IQGAP2: variants seen among roughly 807,000 people sequenced by gnomAD.
The protein encoded by IQGAP2 is IQ motif containing GTPase activating protein 2.
In IQGAP2, 173 loss-of-function variants were observed where a neutral mutation model predicts 201.3. That is an observed-to-expected ratio of 0.86 (90% CI 0.76 to 0.98). The LOEUF is 0.98. IQGAP2 is among the 50% of genes least tolerant of loss of function. The probability of loss-of-function intolerance (pLI) is 0.00; values close to 1 mark genes in which losing one functional copy is unlikely to be tolerated. For missense variants in IQGAP2, 1,687 were observed against 1,864.8 expected, an observed-to-expected ratio of 0.90 and a Z score of 1.76; for synonymous variants, 675 against 673.9, an observed-to-expected ratio of 1.00 and a Z score of -0.03.
intron 3 of IQGAP2, 66 bp downstream of exon 3, chr5:76,562,618 C>T (rs1744462516): frequency 1.4e-6 from 2 of 1,396,740 alleles, no homozygotes; most frequent in Non-Finnish European, 2.0e-6. Context: ...CATATCCTCT[C>T]CCTTCTTTTA....
At position 76,691,805 on chromosome 5, in the gene IQGAP2, G is replaced by C. The variant is rs547780819; in HGVS notation, c.3906-1550G>C. 2.6e-5 allele frequency: 4 copies of C among 152,344 alleles called. No homozygotes were observed. The South Asian group carries it at 8.3e-4, about 32-fold the overall frequency. The allele number at this position is 152,344 out of a possible 1,614,324, so 9.4% of individuals were successfully genotyped here. ...GGAAATGAGAAAAATGATGTTTACAGATGGCTTATTGGATTTTATCCTATT... is the reference window on the plus strand; with the variant it reads ...GGAAATGAGAAAAATGATGTTTACACATGGCTTATTGGATTTTATCCTATT... On this transcript the variant is annotated intron_variant, in intron 30 of 35. Transcript: ENST00000274364.
At chr5:76,469,611 C>T (rs1438826218) in intron 2 of IQGAP2, among the ~76,000 whole-genome samples, 1 of 152,112 alleles carries the variant, frequency 6.6e-6, no homozygotes, top group Non-Finnish European at 1.5e-5. Flanking sequence ...ACCATGTTGG[C>T]CAGGCTGGTC....
At chr5:76,455,719 A>C (rs570580702) in intron 1 of IQGAP2, among the ~76,000 whole-genome samples, 1 of 152,308 alleles carries the variant, frequency 6.6e-6, no homozygotes, top group Admixed American at 6.5e-5. Flanking sequence ...ACCTCACTGC[A>C]ACAAAGAGGG....
chr5:76,622,922 C>T (rs546980231), intron 13 of IQGAP2, among the ~76,000 whole-genome samples: 1 of 152,322 alleles, frequency 6.6e-6, no homozygotes, highest in Non-Finnish European at 1.5e-5. Context: ...TCGTAGACAT[C>T]TAAAATCTTG....
rs756159671 is a variant in IQGAP2 at position 76,568,744 on chromosome 5, T to A, written c.304-1836T>A. 2.6e-3 allele frequency among the ~76,000 whole-genome samples: 394 copies of A among 152,324 alleles called. 3 individuals are homozygous for A. The highest frequency in any genetic ancestry group is 3.3e-3 in the Non-Finnish European group (225 of 68,024). On this transcript the variant is annotated intron_variant, in intron 3 of 35. Coordinates refer to ENST00000274364, the MANE Select transcript of IQGAP2 (RefSeq NM_006633.5). Reference sequence around the variant, plus strand: ...GCAAGAACCCATTTTCTTTTGGGTGTCATCAGAAAGTGGGATCAATTTGGT... The same window carrying A: ...GCAAGAACCCATTTTCTTTTGGGTGACATCAGAAAGTGGGATCAATTTGGT...
chr5:76,531,127 A>G lies in IQGAP2; in HGVS notation c.147-31269A>G, dbSNP rs913066970. Among the ~76,000 whole-genome samples, 3 of 152,340 alleles carry G rather than the reference A, an allele frequency of 2.0e-5. No individual in the cohort carries two copies. In the East Asian group the frequency reaches 5.8e-4, roughly 29 times the overall value. Reference sequence around the variant, plus strand: ...GCTGGGAGTTTCAAATCAAAGTACCAGGAGGTTAGGGCCCAGTCTCTCTGC... The same window carrying G: ...GCTGGGAGTTTCAAATCAAAGTACCGGGAGGTTAGGGCCCAGTCTCTCTGC... On this transcript the variant is annotated intron_variant, in intron 2 of 35. Transcript: ENST00000274364.
At chr5:76,441,426 T>G (rs1322707258) in intron 1 of IQGAP2, 28 of 863,964 alleles carry the variant, frequency 3.2e-5, no homozygotes, top group Non-Finnish European at 3.9e-5. Flanking sequence ...GTACCTACTT[T>G]TGAAGAGGTT....
intron 2 of IQGAP2, among the ~76,000 whole-genome samples, chr5:76,485,908 A>AT (rs1393787671): frequency 2.0e-5 from 3 of 152,096 alleles, no homozygotes; most frequent in Middle Eastern, 3.4e-3. Context: ...TCTTAATTTT[A>AT]TTTTTTTCCA....
chr5:76,673,872 G>T, intron 25 of IQGAP2, 80 bp from the exon 26 acceptor site: 1 of 874,840 alleles, frequency 1.1e-6, no homozygotes, highest in South Asian at 1.4e-5. Context: ...AGCTGAAGTT[G>T]ACTGGAACAA....
intron 1 of IQGAP2, among the ~76,000 whole-genome samples, chr5:76,444,542 G>A (rs1303469931): frequency 6.6e-6 from 1 of 152,100 alleles, no homozygotes; most frequent in Non-Finnish European, 1.5e-5. Context: ...TAGGTGATCC[G>A]CCCACCTTGG....
intron 11 of IQGAP2, among the ~76,000 whole-genome samples, chr5:76,602,928 G>A (rs1035498213): frequency 2.0e-5 from 3 of 152,188 alleles, no homozygotes; most frequent in African/African-American, 7.2e-5. Flanking sequence ...TGCCCAGAGA[G>A]ATTCTTTTGT....
At chr5:76,437,978 A>G (rs895314097) in intron 1 of IQGAP2, among the ~76,000 whole-genome samples, 4 of 125,952 alleles carry the variant, frequency 3.2e-5, no homozygotes, top group South Asian at 2.5e-4. Context: ...AGATTTTTGC[A>G]TCTATATTCA....
chr5:76,467,184 G>A (rs148647186), intron 2 of IQGAP2, among the ~76,000 whole-genome samples: 42 of 152,264 alleles, frequency 2.8e-4, no homozygotes, highest in African/African-American at 1.0e-3. Flanking sequence ...CCTGGGAGGT[G>A]GAGGTTGCAG....
chr5:76,500,678 AAGTT>A lies in IQGAP2; in HGVS notation c.146+39014_146+39017del, dbSNP rs1440442464. 1.6e-4 allele frequency among the ~76,000 whole-genome samples: 24 copies of A among 152,186 alleles called. 1 individual carries two copies. The highest frequency in any genetic ancestry group is 3.4e-3 in the Middle Eastern group (1 of 294). On this transcript the variant is annotated intron_variant, in intron 2 of 35. Transcript: ENST00000274364. ...TTTATTATTATTTTTTTCTAGAATC[AAGTT>A]AGTTCTGTTTATGTAGTTTTATATT... is the stretch of plus-strand genomic sequence containing the variant.
intron 23 of IQGAP2, among the ~76,000 whole-genome samples, chr5:76,669,460 A>G (rs1744096526): frequency 6.6e-6 from 1 of 152,194 alleles, no homozygotes; most frequent in Non-Finnish European, 1.5e-5. Context: ...TAGGAATGCT[A>G]TGCAGTGGAA....
chr5:76,595,741 A>G (rs1162821188), intron 9 of IQGAP2, among the ~76,000 whole-genome samples: 4 of 151,372 alleles, frequency 2.6e-5, no homozygotes, highest in Non-Finnish European at 5.9e-5. Context: ...AGCCTTGGCA[A>G]CAGAGCAAGA....
intron 17 of IQGAP2, among the ~76,000 whole-genome samples, 160 bp downstream of exon 17, chr5:76,641,263 A>G (rs1751560656): frequency 6.6e-6 from 1 of 152,198 alleles, no homozygotes; most frequent in Non-Finnish European, 1.5e-5. Flanking sequence ...AAGGCTTTAA[A>G]ATAGGAAGCA....
At position 76,633,423 on chromosome 5, in the gene IQGAP2, T is replaced by G. The variant is rs141705466; in HGVS notation, c.1780+1397T>G. On this transcript the variant is annotated intron_variant, in intron 15 of 35. Transcript: ENST00000274364. ...TCTGCATATAAGGCTTGCATTTGTT[T>G]CATTAAATTTATTCCTAAGTATTTT... Among the ~76,000 whole-genome samples the G allele has an allele frequency of 8.7e-4, 133 of 152,360 alleles. 1 individual carries two copies. The highest frequency in any genetic ancestry group is 2.9e-3 in the African/African-American group (122 of 41,594).
intron 1 of IQGAP2, among the ~76,000 whole-genome samples, chr5:76,429,539 T>A (rs1369109086): frequency 6.8e-6 from 1 of 147,646 alleles, no homozygotes; most frequent in East Asian, 2.0e-4. Context: ...ACCATTGCAC[T>A]CCAGCCTGGG....
Sources: allele counts gnomAD v4.1 joint callset (sites outside exome capture counted in the v4.1 genomes callset), GRCh38; gene constraint gnomAD v4.1.1; transcripts MANE v1.5; gene names NCBI Gene and HGNC (gene_info 2026-07-23, HGNC 2026-07-21).